The following HIKESHI variants were observed in gnomAD, a reference collection of about 807,000 sequenced individuals.
HIKESHI encodes the protein protein Hikeshi.
In HIKESHI, 13 loss-of-function variants were observed where a neutral mutation model predicts 25.7. The observed-to-expected ratio is 0.51, with a 90% CI of 0.33 to 0.80. The LOEUF (loss-of-function observed/expected upper bound fraction) is 0.80, where lower values mean the gene tolerates loss of function less well. HIKESHI is among the 30% of genes least tolerant of loss of function. The pLI is 0.02. For synonymous variants in HIKESHI, 76 were observed against 78.7 expected (o/e 0.97, Z 0.18); for missense variants, 174 against 229.5 (o/e 0.76, Z 1.56).
At position 86,302,550 on chromosome 11, in the gene HIKESHI, G is replaced by A. The variant is rs986239998; in HGVS notation, c.30+72G>A. The A allele has an allele frequency of 2.0e-6, 3 of 1,514,246 alleles. No individual in the cohort carries two copies. The South Asian group carries it at 3.6e-5, about 18-fold the overall frequency. The allele number at this position is 1,514,246 out of a possible 1,614,324, so 93.8% of individuals were successfully genotyped here. On this transcript the variant is annotated intron_variant, in intron 1 of 4. Coordinates refer to ENST00000278483, the MANE Select transcript of HIKESHI (RefSeq NM_016401.4). The stretch of plus-strand genomic sequence containing the variant: ...GGCGAAGCCCTACGGCAGGGAGGGT[G>A]CGCAGGCGCTAGGGATGCGGGGAAG...
intron 3 of HIKESHI, among the ~76,000 whole-genome samples, 181 bp downstream of exon 3, chr11:86,337,711 G>A (rs1332069677): frequency 1.3e-5 from 2 of 152,186 alleles, no homozygotes; most frequent in African/African-American, 4.8e-5. Context: ...AGGCTGGAGT[G>A]CAGTGGCGCA....
At chr11:86,326,591 T>C (rs1199831501) in intron 2 of HIKESHI, 6 of 455,918 alleles carry the variant, frequency 1.3e-5, no homozygotes, top group Non-Finnish European at 2.6e-5. Context: ...CACCAAGACA[T>C]TGTTCAGAGG....
chr11:86,327,576 A>G (rs1947317108), intron 2 of HIKESHI, among the ~76,000 whole-genome samples: 1 of 151,978 alleles, frequency 6.6e-6, no homozygotes, highest in Non-Finnish European at 1.5e-5. Context: ...GGCCTCTCAA[A>G]GTGCTGGGAT....
At chr11:86,326,357 A>G (rs767422373) in intron 2 of HIKESHI, among the ~76,000 whole-genome samples, 22 of 152,148 alleles carry the variant, frequency 1.4e-4, no homozygotes, top group Non-Finnish European at 3.1e-4. Flanking sequence ...AGGTACTATA[A>G]TATGTGTGGC....
At position 86,337,300 on chromosome 11, in the gene HIKESHI, G is replaced by A; in HGVS notation, c.269-79G>A. 4 of 1,363,498 alleles carry A rather than the reference G, an allele frequency of 2.9e-6. No homozygotes were observed. In the South Asian group the frequency reaches 4.4e-5, roughly 15 times the overall value. The allele number at this position is 1,363,498 out of a possible 1,614,324, so 84.5% of individuals were successfully genotyped here. On this transcript the variant is annotated intron_variant, in intron 2 of 4. Transcript: ENST00000278483. Reference sequence around the variant, plus strand: ...ACTTTTTCATGTATATAAATTAGAGGTTCTTTATAAATTTACAAAGGAAAT... The same window carrying A: ...ACTTTTTCATGTATATAAATTAGAGATTCTTTATAAATTTACAAAGGAAAT...
chr11:86,341,757 A>G (rs1348088564), intron 3 of HIKESHI, among the ~76,000 whole-genome samples: 1 of 152,128 alleles, frequency 6.6e-6, no homozygotes, highest in Non-Finnish European at 1.5e-5. Flanking sequence ...AGCCATAGAC[A>G]AGGTATTATT....
At chr11:86,331,154 C>T (rs1012383828) in intron 2 of HIKESHI, among the ~76,000 whole-genome samples, 3 of 151,938 alleles carry the variant, frequency 2.0e-5, no homozygotes, top group Non-Finnish European at 2.9e-5. Context: ...GTTATATTTT[C>T]GTAAAATCAT....
intron 2 of HIKESHI, among the ~76,000 whole-genome samples, chr11:86,309,831 C>T (rs932574278): frequency 3.9e-5 from 6 of 152,132 alleles, no homozygotes; most frequent in African/African-American, 1.4e-4. Context: ...ATAGGGAATC[C>T]TTTCCCCATT....
At chr11:86,306,912 A>C (rs893656792) in intron 2 of HIKESHI, among the ~76,000 whole-genome samples, 17 of 151,340 alleles carry the variant, frequency 1.1e-4, no homozygotes, top group African/African-American at 2.9e-4. Flanking sequence ...AGGCAGGAGA[A>C]TGGTGTGAAC....
intron 3 of HIKESHI, among the ~76,000 whole-genome samples, chr11:86,339,380 A>G (rs1947660219): frequency 6.6e-6 from 1 of 152,178 alleles, no homozygotes; most frequent in African/African-American, 2.4e-5. Context: ...TCATAGATAC[A>G]AATAGGTCCA....
chr11:86,328,709 TGG>T (rs1273428371), intron 2 of HIKESHI, among the ~76,000 whole-genome samples: 1 of 152,064 alleles, frequency 6.6e-6, no homozygotes, highest in African/African-American at 2.4e-5. Context: ...TCCAAAGTGC[TGG>T]GATTACAGGC....
intron 1 of HIKESHI, 42 bp from the exon 2 acceptor site, chr11:86,306,203 C>G: frequency 7.5e-7 from 1 of 1,327,722 alleles, no homozygotes. Flanking sequence ...GTTACAGAAA[C>G]TCATAGAACC....
intron 2 of HIKESHI, among the ~76,000 whole-genome samples, chr11:86,330,525 T>G (rs1947395350): frequency 6.6e-6 from 1 of 152,194 alleles, no homozygotes. Flanking sequence ...TCCTTCAGAG[T>G]TGAATAACAA....
chr11:86,318,492 CAA>C (rs1175389173), intron 2 of HIKESHI, among the ~76,000 whole-genome samples: 1 of 151,680 alleles, frequency 6.6e-6, no homozygotes, highest in Non-Finnish European at 1.5e-5. Flanking sequence ...GAGAAAGAGG[CAA>C]AGTTATTCAG....
At chr11:86,305,538 C>G (rs1946601073) in intron 1 of HIKESHI, among the ~76,000 whole-genome samples, 1 of 150,824 alleles carries the variant, frequency 6.6e-6, no homozygotes, top group Admixed American at 6.6e-5. Flanking sequence ...AGGCACGTGC[C>G]ACCACGCTTG....
At chr11:86,316,239 G>A (rs1391954782) in intron 2 of HIKESHI, among the ~76,000 whole-genome samples, 1 of 152,102 alleles carries the variant, frequency 6.6e-6, no homozygotes, top group Admixed American at 6.6e-5. Context: ...GGCCGGGTGT[G>A]GTGGCTCATG....
chr11:86,312,001 A>G (rs1742305151), intron 2 of HIKESHI, among the ~76,000 whole-genome samples: 1 of 152,184 alleles, frequency 6.6e-6, no homozygotes, highest in African/African-American at 2.4e-5. Context: ...ATTTTGGAAT[A>G]AGTGCGATGT....
intron 2 of HIKESHI, among the ~76,000 whole-genome samples, chr11:86,307,728 G>A (rs371435407): frequency 0.071 from 3,141 of 44,422 alleles, 79 homozygotes; most frequent in East Asian, 0.12. Context: ...ATTATGTGTA[G>A]TATACATTAT....
chr11:86,316,145 C>T (rs1169611647), intron 2 of HIKESHI, among the ~76,000 whole-genome samples: 1 of 142,012 alleles, frequency 7.0e-6, no homozygotes, highest in Non-Finnish European at 1.5e-5. Context: ...AAAAGTGCAC[C>T]TTCCCTATCA....
Sources: gnomAD v4.1 joint callset for allele counts (sites outside exome capture counted in the v4.1 genomes callset) on GRCh38, gnomAD v4.1.1 for gene constraint, MANE v1.5 for transcripts, NCBI Gene and HGNC (gene_info 2026-07-23, HGNC 2026-07-21) for gene names.